Variants in IDE observed in about 807,000 individuals in gnomAD.
The protein encoded by IDE is insulin-degrading enzyme.
Under a neutral mutation model 133.2 loss-of-function variants are expected in IDE, and 58 were observed. That is an observed-to-expected ratio of 0.44 (90% CI 0.35 to 0.54). IDE has a LOEUF of 0.54. Ranked by LOEUF, IDE falls within the 20% of genes least tolerant of loss-of-function variation. IDE has a pLI of 0.00. For missense variants in IDE, 981 were observed against 1,234.0 expected, an observed-to-expected ratio of 0.79 and a Z score of 3.07; for synonymous variants, 396 against 421.3, an observed-to-expected ratio of 0.94 and a Z score of 0.73.
chr10:92,567,394 T>C (rs1843606088), intron 1 of IDE, among the ~76,000 whole-genome samples: 1 of 152,194 alleles, frequency 6.6e-6, no homozygotes, highest in Non-Finnish European at 1.5e-5. Flanking sequence ...AATCAATAAC[T>C]AAACTCTGCT....
rs1844828917 is a variant in IDE, at chr10:92,453,099, T to C, written c.*1345A>G. On this transcript the variant is annotated 3_prime_UTR_variant, in exon 25 of 25. Coordinates refer to ENST00000265986, the MANE Select transcript of IDE (RefSeq NM_004969.4). ...AATCAAATCATATGGGGAGGTAAAA[T>C]GTCCTTCAAAAATGCCATTCTTTAC... 1 of 152,190 alleles carries C rather than the reference T, an allele frequency of 6.6e-6. No homozygotes were observed. Among genetic ancestry groups the C allele is most frequent in the African/African-American group, 2.4e-5 (1 of 41,468 alleles). The allele number at this position is 152,190 out of a possible 1,614,324, so 9.4% of individuals were successfully genotyped here.
At chr10:92,540,267 T>G (rs1309614855) in intron 1 of IDE, among the ~76,000 whole-genome samples, 1 of 150,764 alleles carries the variant, frequency 6.6e-6, no homozygotes, top group East Asian at 1.9e-4. Flanking sequence ...AAAAAAACAG[T>G]TCTGGTTAAG....
chr10:92,479,347 T>G lies in IDE; in HGVS notation c.1814A>C (p.Asn605Thr). ...TAGCTCTGCTGCATATGCATACTCG[T>G]TGAGTGAGTCTTTGAGGAGCTCAAG... is the stretch of plus-strand genomic sequence containing the variant. ...LYLELLKDSL[N>T]EYAYAAELAG... Residue 605 changes from asparagine to threonine, a missense_variant, in exon 15 of 25, where the codon AAC becomes ACC. This residue lies in a region of IDE where 660 missense variants were observed against 894.7 expected (regional missense o/e 0.74). Coordinates refer to ENST00000265986, the MANE Select transcript of IDE (RefSeq NM_004969.4). The G allele has an allele frequency of 6.2e-7, 1 of 1,613,626 alleles. No homozygotes were observed. The highest frequency in any genetic ancestry group is 8.5e-7 in the Non-Finnish European group (1 of 1,179,542).
At chr10:92,459,048 CT>C (rs1354694747) in intron 22 of IDE, among the ~76,000 whole-genome samples, 1 of 152,180 alleles carries the variant, frequency 6.6e-6, no homozygotes, top group Non-Finnish European at 1.5e-5. Flanking sequence ...AATCTCATTG[CT>C]GAAAAAGGTG....
intron 11 of IDE, among the ~76,000 whole-genome samples, chr10:92,501,793 G>A (rs963858097): frequency 1.3e-5 from 2 of 152,036 alleles, no homozygotes; most frequent in East Asian, 1.9e-4. Flanking sequence ...TGGTCAACAT[G>A]GTGAAACCCC....
intron 1 of IDE, among the ~76,000 whole-genome samples, chr10:92,551,505 T>G (rs1842777323): frequency 6.7e-6 from 1 of 148,430 alleles, no homozygotes; most frequent in Non-Finnish European, 1.5e-5. Context: ...GAGGCAGAGG[T>G]TGCAGTTAGG....
chr10:92,460,641 G>A (rs1225613162), intron 22 of IDE, among the ~76,000 whole-genome samples: 1 of 152,126 alleles, frequency 6.6e-6, no homozygotes. Context: ...TCATAATGTG[G>A]GCTGTACATG....
intron 19 of IDE, among the ~76,000 whole-genome samples, chr10:92,466,984 A>G (rs1457490961): frequency 6.6e-6 from 1 of 151,932 alleles, no homozygotes; most frequent in South Asian, 2.1e-4. Flanking sequence ...TTGTGCCACT[A>G]TACTCCAGCC....
chr10:92,507,134 T>C (rs531888565), intron 9 of IDE, among the ~76,000 whole-genome samples: 2 of 152,032 alleles, frequency 1.3e-5, no homozygotes, highest in South Asian at 4.2e-4. Context: ...CCTCTTCCCA[T>C]ACATACAATA....
intron 4 of IDE, 49 bp downstream of exon 4, chr10:92,531,699 C>T (rs765583770): frequency 7.1e-6 from 7 of 992,400 alleles, no homozygotes; most frequent in Non-Finnish European, 8.7e-6. Context: ...TAATACTATG[C>T]AGTGGCCATG....
At chr10:92,521,416 G>A (rs970888867) in intron 4 of IDE, among the ~76,000 whole-genome samples, 4 of 151,862 alleles carry the variant, frequency 2.6e-5, no homozygotes, top group African/African-American at 9.7e-5. Context: ...AAAAAATCTA[G>A]GCTATGAGAA....
At chr10:92,570,187 C>A (rs964081570) in intron 1 of IDE, among the ~76,000 whole-genome samples, 2 of 151,832 alleles carry the variant, frequency 1.3e-5, no homozygotes, top group African/African-American at 4.8e-5. Flanking sequence ...TTTTGTGAGT[C>A]CCACTTTTTA....
Position 92,461,849 on chromosome 10 carries a change from A to G in IDE, c.2762-597T>C, listed in dbSNP as rs527631761. ...CCAGCTAATTTTTTTTTTCTTTTTT[A>G]TATTCTTAGTAGATACGGGGTTTCA... On this transcript the variant is annotated intron_variant, in intron 21 of 24. Coordinates refer to ENST00000265986, the MANE Select transcript of IDE (RefSeq NM_004969.4). 2.0e-5 allele frequency among the ~76,000 whole-genome samples: 3 copies of G among 150,984 alleles called. No homozygotes were observed. In the East Asian group the frequency reaches 5.9e-4, roughly 30 times the overall value.
At position 92,515,018 on chromosome 10, in the gene IDE, C is replaced by A. The variant is rs1589453877; in HGVS notation, c.686G>T (p.Arg229Ile). 4.3e-6 allele frequency: 7 copies of A among 1,611,346 alleles called. No homozygotes were observed. In the East Asian group the frequency reaches 1.6e-4, roughly 36 times the overall value. The change falls in exon 5 of 25, where the codon AGA (arginine) becomes ATA (isoleucine). Residue 229 changes from arginine to isoleucine, a missense_variant. This residue lies in a region of IDE where 321 missense variants were observed against 339.3 expected (regional missense o/e 0.95). Coordinates refer to ENST00000265986, the MANE Select transcript of IDE (RefSeq NM_004969.4). ...TACATCAATGCCTTCTTGGTTTGGT[C>A]TAGTCTCCAGAGTATATTTGTTACC... is the stretch of plus-strand genomic sequence containing the variant. Reference protein sequence around the residue: ...GTGNKYTLETRPNQEGIDVRQ... With the variant: ...GTGNKYTLETIPNQEGIDVRQ...
intron 1 of IDE, among the ~76,000 whole-genome samples, chr10:92,570,403 T>C (rs1025492727): frequency 2.2e-4 from 33 of 152,224 alleles, no homozygotes; most frequent in African/African-American, 7.9e-4. Context: ...CACTACAGAG[T>C]AGACATTCAA....
intron 1 of IDE, 74 bp from the exon 2 acceptor site, chr10:92,537,624 C>G: frequency 1.9e-6 from 2 of 1,038,172 alleles, no homozygotes; most frequent in Non-Finnish European, 2.8e-6. Context: ...TCAAGTAAAC[C>G]CATATAATAC....
intron 1 of IDE, among the ~76,000 whole-genome samples, chr10:92,547,552 A>G (rs967370552): frequency 6.6e-6 from 1 of 152,188 alleles, no homozygotes; most frequent in African/African-American, 2.4e-5. Flanking sequence ...TTTGCATTAC[A>G]TTTACCGATA....
At position 92,464,028 on chromosome 10, in the gene IDE, A is replaced by G. The variant is rs747829116; in HGVS notation, c.2489-25T>C. ...CCTGAAACACAGACATCAGCCAGTC[A>G]TGACCGTGGCATTTGAGACCTGGGT... On this transcript the variant is annotated intron_variant, in intron 20 of 24. Coordinates refer to ENST00000265986, the MANE Select transcript of IDE (RefSeq NM_004969.4). 6.3e-6 allele frequency: 10 copies of G among 1,592,276 alleles called. No homozygotes were observed. The East Asian group carries it at 1.1e-4, about 18-fold the overall frequency.
At chr10:92,473,426 G>T (rs72809182) in intron 17 of IDE, among the ~76,000 whole-genome samples, 185 of 151,082 alleles carry the variant, frequency 1.2e-3, no homozygotes, top group Non-Finnish European at 2.0e-3. Context: ...CACACTGAGG[G>T]CATAATATTA....
Sources: allele counts gnomAD v4.1 joint callset (sites outside exome capture counted in the v4.1 genomes callset), GRCh38; gene constraint gnomAD v4.1.1; regional missense constraint gnomAD v4.1.1; transcripts MANE v1.5; gene names NCBI Gene and HGNC (gene_info 2026-07-23, HGNC 2026-07-21).